SORCS1: variants seen among roughly 807,000 people sequenced by gnomAD.
SORCS1 encodes sortilin related VPS10 domain containing receptor 1.
Under a neutral mutation model 146.1 loss-of-function variants are expected in SORCS1, and 60 were observed. The ratio of observed to expected loss-of-function variants is 0.41; its 90% CI spans 0.33 to 0.51. The LOEUF is 0.51. Among genes scored for constraint, SORCS1 ranks in the 20% least tolerant of loss-of-function variants. The pLI, the probability that SORCS1 is intolerant of heterozygous loss-of-function variation, is 0.21. For synonymous variants in SORCS1, 637 were observed against 584.0 expected (o/e 1.09, Z -1.31); for missense variants, 1,352 against 1,487.6 (o/e 0.91, Z 1.50).
intron 1 of SORCS1, among the ~76,000 whole-genome samples, chr10:107,138,097 A>G (rs753778056): frequency 3.9e-5 from 6 of 152,166 alleles, no homozygotes; most frequent in Non-Finnish European, 7.3e-5. Flanking sequence ...TTATATTTTC[A>G]TTTCTGCAAA....
In SORCS1 at chr10:107,122,412, C is replaced by G. The variant is rs565009401; in HGVS notation, c.558+41557G>C. 3.9e-3 allele frequency among the ~76,000 whole-genome samples: 599 copies of G among 152,266 alleles called. 2 individuals are homozygous for G. The highest frequency in any genetic ancestry group is 7.5e-3 in the Non-Finnish European group (511 of 68,016). ...ACTCCAATGTCAGGGTTCTGTGGCT[C>G]TTGCCTCTCTGATCACTTAACCAGG... On this transcript the variant is annotated intron_variant, in intron 1 of 25. Coordinates refer to ENST00000263054, the MANE Select transcript of SORCS1 (RefSeq NM_052918.5).
intron 6 of SORCS1, among the ~76,000 whole-genome samples, chr10:106,720,599 G>A (rs1193443872): frequency 6.6e-6 from 1 of 151,152 alleles, no homozygotes; most frequent in Non-Finnish European, 1.5e-5. Flanking sequence ...TTTTAAGCCG[G>A]AGCCAGAAAC....
chr10:107,174,688 C>T, the SORCS1 span, among the ~76,000 whole-genome samples: 1 of 151,680 alleles, frequency 6.6e-6, no homozygotes, highest in Admixed American at 6.6e-5. Context: ...ATTTTTAGGG[C>T]CCTTTAGAAT....
At chr10:106,774,172 G>T (rs1184485608) in intron 4 of SORCS1, among the ~76,000 whole-genome samples, 2 of 152,152 alleles carry the variant, frequency 1.3e-5, no homozygotes, top group Admixed American at 6.5e-5. Flanking sequence ...GTCACAAAGG[G>T]TACCTTTTGG....
At chr10:106,701,691 A>C (rs1854150458) in intron 8 of SORCS1, among the ~76,000 whole-genome samples, 1 of 152,234 alleles carries the variant, frequency 6.6e-6, no homozygotes, top group Non-Finnish European at 1.5e-5. Context: ...CAGTTAAAGA[A>C]GACAGTCTAG....
intron 1 of SORCS1, among the ~76,000 whole-genome samples, chr10:107,004,696 T>C (rs995847502): frequency 6.6e-6 from 1 of 152,166 alleles, no homozygotes; most frequent in South Asian, 2.1e-4. Flanking sequence ...TTACCAGAAG[T>C]GGCTACTCTT....
chr10:107,015,070 A>G (rs1414753562), intron 1 of SORCS1, among the ~76,000 whole-genome samples: 1 of 152,202 alleles, frequency 6.6e-6, no homozygotes, highest in Non-Finnish European at 1.5e-5. Context: ...TAGGGCAGCT[A>G]CAACCTTTCA....
intron 1 of SORCS1, among the ~76,000 whole-genome samples, chr10:107,111,335 T>C (rs544113191): frequency 2.9e-4 from 44 of 152,108 alleles, no homozygotes; most frequent in African/African-American, 9.9e-4. Flanking sequence ...GAACAATGCA[T>C]GAACAAAATA....
At chr10:107,150,521 A>C (rs944281699) in intron 1 of SORCS1, among the ~76,000 whole-genome samples, 1 of 152,232 alleles carries the variant, frequency 6.6e-6, no homozygotes, top group Non-Finnish European at 1.5e-5. Context: ...AAGGCAAGTG[A>C]AGCACTGTGC....
At chr10:106,601,928 T>C (rs1006925956) in intron 23 of SORCS1, among the ~76,000 whole-genome samples, 2 of 152,204 alleles carry the variant, frequency 1.3e-5, no homozygotes, top group African/African-American at 4.8e-5. Flanking sequence ...TCATGTACCC[T>C]GAAAGCAGTG....
At chr10:106,946,482 T>C (rs1269198713) in intron 2 of SORCS1, among the ~76,000 whole-genome samples, 2 of 152,212 alleles carry the variant, frequency 1.3e-5, no homozygotes, top group African/African-American at 4.8e-5. Context: ...CGAGATCTGA[T>C]GGTTTTATAA....
chr10:106,612,664 GGAC>G (rs1244311919), intron 21 of SORCS1, among the ~76,000 whole-genome samples: 2 of 152,062 alleles, frequency 1.3e-5, no homozygotes, highest in African/African-American at 4.8e-5. Flanking sequence ...ATGTTTGGTT[GGAC>G]CCAGTTTCTA....
intron 1 of SORCS1, among the ~76,000 whole-genome samples, chr10:107,033,542 C>A (rs1259152651): frequency 6.6e-6 from 1 of 152,192 alleles, no homozygotes; most frequent in Non-Finnish European, 1.5e-5. Flanking sequence ...TGATAGAGAA[C>A]TCAAACAGAA....
chr10:106,871,946 T>A (rs1950420590), intron 2 of SORCS1, among the ~76,000 whole-genome samples: 2 of 152,206 alleles, frequency 1.3e-5, no homozygotes. Flanking sequence ...GTTCATTTAT[T>A]TATTCAACAA....
chr10:106,649,557 G>C (rs1183913108), intron 18 of SORCS1, among the ~76,000 whole-genome samples: 2 of 152,178 alleles, frequency 1.3e-5, no homozygotes, highest in African/African-American at 2.4e-5. Context: ...GATTTCAGCA[G>C]TTTGAATGTA....
At chr10:106,705,696 T>C (rs989682826) in intron 8 of SORCS1, among the ~76,000 whole-genome samples, 1 of 152,148 alleles carries the variant, frequency 6.6e-6, no homozygotes, top group Non-Finnish European at 1.5e-5. Context: ...TCACTTCAAA[T>C]ACATCACGAT....
At chr10:106,897,067 A>AT (rs796271874) in intron 2 of SORCS1, among the ~76,000 whole-genome samples, 2 of 151,380 alleles carry the variant, frequency 1.3e-5, no homozygotes, top group Non-Finnish European at 2.9e-5. Context: ...ATTTTTTTGT[A>AT]TTTTTTTAGT....
intron 1 of SORCS1, among the ~76,000 whole-genome samples, chr10:106,994,572 T>C (rs751492197): frequency 3.3e-5 from 5 of 152,218 alleles, no homozygotes; most frequent in Admixed American, 1.3e-4. Flanking sequence ...AATGGCAATT[T>C]TGATTTTAGC....
At position 107,078,829 on chromosome 10, in the gene SORCS1, T is replaced by C. The variant is rs143841970; in HGVS notation, c.558+85140A>G. On this transcript the variant is annotated intron_variant, in intron 1 of 25. Coordinates refer to ENST00000263054, the MANE Select transcript of SORCS1 (RefSeq NM_052918.5). ...GGTTGTATTTGTGTAAAGTACTCTC[T>C]GCAACTAGCTTGAGATCCTCTGAGG... 7.0e-3 allele frequency among the ~76,000 whole-genome samples: 1,066 copies of C among 152,356 alleles called. 6 individuals are homozygous for C. The highest frequency in any genetic ancestry group is 0.014 in the Middle Eastern group (4 of 294).
Sources: allele counts gnomAD v4.1 joint callset (sites outside exome capture counted in the v4.1 genomes callset), GRCh38; gene constraint gnomAD v4.1.1; transcripts MANE v1.5; gene names NCBI Gene and HGNC (gene_info 2026-07-23, HGNC 2026-07-21).